CASK: variants seen among roughly 807,000 people sequenced by gnomAD.
CASK encodes calcium/calmodulin dependent serine protein kinase.
A neutral mutation model predicts 82.9 loss-of-function variants in CASK; 4 were observed. The observed-to-expected ratio is 0.05, with a 90% CI of 0.02 to 0.11. The LOEUF (loss-of-function observed/expected upper bound fraction) is 0.11, where lower values mean the gene tolerates loss of function less well. Ranked by LOEUF, CASK falls within the 10% of genes least tolerant of loss-of-function variation. The pLI is 1.00. For synonymous variants in CASK, 259 were observed against 253.5 expected (o/e 1.02, Z -0.20); for missense variants, 358 against 720.9 (o/e 0.50, Z 5.76).
chrX:41,810,069 T>C (rs1465335575), intron 2 of CASK, among the ~76,000 whole-genome samples: 2 of 111,635 alleles, frequency 1.8e-5, no homozygotes, highest in Non-Finnish European at 3.8e-5. Context: ...AACAAAGCCT[T>C]CAAGAAATAT....
At chrX:41,644,870 T>C (rs1373392312) in intron 8 of CASK, among the ~76,000 whole-genome samples, 1 of 111,589 alleles carries the variant, frequency 9.0e-6, no homozygotes, top group African/African-American at 3.3e-5. Context: ...GAGGAAATTC[T>C]TGCCTAATAA....
chrX:41,622,623 C>T lies in CASK; in HGVS notation c.1027G>A (p.Ala343Thr). 8.4e-7 allele frequency: 1 copy of T among 1,197,466 alleles called. No homozygotes were observed. The highest frequency in any genetic ancestry group is 1.1e-6 in the Non-Finnish European group (1 of 885,725). ...AAAACAAAGGGATACCTACTTTCTG[C>T]TGCTAGAAGTCCTAGGAGGAAGGCA... ...EDPTSSGLLA[A>T]ERAVSQVLDS... The change falls in exon 11 of 27, where the codon GCA (alanine) becomes ACA (threonine). Residue 343 changes from alanine to threonine, a missense_variant. Ala to Thr is a moderately conservative substitution (Grantham distance 58). Coordinates refer to ENST00000378163, the MANE Select transcript of CASK (RefSeq NM_001367721.1).
chrX:41,535,076 G>A, intron 22 of CASK, 103 bp from the exon 23 acceptor site: 1 of 530,604 alleles, frequency 1.9e-6, no homozygotes, highest in Non-Finnish European at 3.2e-6. Context: ...TTAAAACCAT[G>A]TCTTAAAAAT....
intron 12 of CASK, among the ~76,000 whole-genome samples, chrX:41,599,903 A>G (rs979249912): frequency 8.9e-6 from 1 of 112,351 alleles, no homozygotes; most frequent in African/African-American, 3.2e-5. Flanking sequence ...TCTTGTTTTA[A>G]TAAAATCTTC....
At chrX:41,583,519 C>G (rs1264243257) in intron 14 of CASK, among the ~76,000 whole-genome samples, 2 of 110,904 alleles carry the variant, frequency 1.8e-5, no homozygotes, top group Non-Finnish European at 3.8e-5. Context: ...TCACTGAAAC[C>G]TCTGTCTCCT....
intron 2 of CASK, among the ~76,000 whole-genome samples, chrX:41,815,470 A>G (rs754492856): frequency 8.9e-6 from 1 of 112,420 alleles, no homozygotes; most frequent in East Asian, 2.8e-4. Context: ...AAGCATGGAC[A>G]TAATGAGAAA....
intron 14 of CASK, 95 bp from the exon 15 acceptor site, chrX:41,578,623 C>A (rs1569317560): frequency 3.0e-6 from 2 of 664,847 alleles, no homozygotes; most frequent in East Asian, 3.6e-5. Context: ...GGGTCTCACT[C>A]TGTCACCCAG....
chrX:41,802,908 C>G (rs1035483897), intron 2 of CASK, among the ~76,000 whole-genome samples: 2 of 111,148 alleles, frequency 1.8e-5, no homozygotes, highest in South Asian at 7.5e-4. Context: ...GAATTCTACA[C>G]CCAGCCAAAC....
intron 2 of CASK, among the ~76,000 whole-genome samples, chrX:41,838,797 A>G (rs181801167): frequency 1.0e-3 from 113 of 111,552 alleles, no homozygotes; most frequent in African/African-American, 3.4e-3. Context: ...TTTATATTTA[A>G]ATCTATGATC....
At chrX:41,578,563 A>C in intron 14 of CASK, 35 bp from the exon 15 acceptor site, 3 of 959,588 alleles carry the variant, frequency 3.1e-6, no homozygotes, top group Non-Finnish European at 4.4e-6. Context: ...TATTAATAAC[A>C]TTACTATTTC....
chrX:41,616,136 G>A (rs193233745), intron 11 of CASK, among the ~76,000 whole-genome samples: 5 of 111,719 alleles, frequency 4.5e-5, no homozygotes, highest in Non-Finnish European at 1.9e-5. Flanking sequence ...TACCACCAGC[G>A]CACTCCATGA....
At chrX:41,707,912 G>T (rs1487248487) in intron 5 of CASK, among the ~76,000 whole-genome samples, 2 of 111,331 alleles carry the variant, frequency 1.8e-5, no homozygotes, top group Non-Finnish European at 3.8e-5. Context: ...GAAGTCAGGA[G>T]ATCGAGACCA....
chrX:41,550,395 A>G (rs2065079986), intron 21 of CASK, among the ~76,000 whole-genome samples: 1 of 111,248 alleles, frequency 9.0e-6, no homozygotes, highest in Non-Finnish European at 1.9e-5. Flanking sequence ...ATTCCATTGT[A>G]TGGCTATATC....
intron 1 of CASK, among the ~76,000 whole-genome samples, chrX:41,856,738 G>A (rs2071378576): frequency 9.6e-6 from 1 of 103,982 alleles, no homozygotes; most frequent in South Asian, 4.9e-4. Flanking sequence ...GGAACTTGCA[G>A]TGAGCCAAGA....
intron 5 of CASK, among the ~76,000 whole-genome samples, chrX:41,699,343 A>T (rs1479710372): frequency 8.9e-6 from 1 of 112,362 alleles, no homozygotes; most frequent in African/African-American, 3.2e-5. Flanking sequence ...AATTTGCAGA[A>T]AAATTAGAGG....
intron 21 of CASK, among the ~76,000 whole-genome samples, chrX:41,545,456 A>C (rs1435460637): frequency 1.8e-5 from 2 of 112,338 alleles, no homozygotes; most frequent in Non-Finnish European, 3.8e-5. Flanking sequence ...TATTTCTGTC[A>C]CACATCAAGT....
intron 16 of CASK, among the ~76,000 whole-genome samples, chrX:41,564,137 T>C (rs967309919): frequency 8.9e-6 from 1 of 111,792 alleles, no homozygotes. Flanking sequence ...AGTTTATCAT[T>C]AGGAAATCTT....
In CASK at chrX:41,923,287, T is replaced by A. The variant is rs1388500793; in HGVS notation, c.-299A>T. The A allele has an allele frequency of 9.4e-6, 1 of 106,723 alleles. No homozygotes were observed. The highest frequency in any genetic ancestry group is 2.0e-5 in the Non-Finnish European group (1 of 51,082). The allele number at this position is 106,723 out of a possible 1,213,427, so 8.8% of individuals were successfully genotyped here. A position where few individuals can be genotyped will look rare whatever the true frequency, so the allele number is the denominator to read the frequency against. On this transcript the variant is annotated 5_prime_UTR_variant, in exon 1 of 27. Transcript: ENST00000378163. The stretch of plus-strand genomic sequence containing the variant: ...CGGGCCGCGCTGCCCGGCGTGCGGA[T>A]CCTCGGGGACCGCGCGGCGTCGCGC...
chrX:41,878,901 G>T (rs1439133668), intron 1 of CASK, among the ~76,000 whole-genome samples: 13 of 111,534 alleles, frequency 1.2e-4, no homozygotes, highest in Non-Finnish European at 2.5e-4. Flanking sequence ...CTATGTTAAA[G>T]ACTTTCTTAA....
Sources: allele counts gnomAD v4.1 joint callset (sites outside exome capture counted in the v4.1 genomes callset), GRCh38; gene constraint gnomAD v4.1.1; transcripts MANE v1.5; gene names NCBI Gene and HGNC (gene_info 2026-07-23, HGNC 2026-07-21).